ANGPT2: variants seen among roughly 807,000 people sequenced by gnomAD.
The protein encoded by ANGPT2 is angiopoietin 2, also known as angiopoietin-2.
ANGPT2 carries 28 observed loss-of-function variants against 62.9 expected under a neutral mutation model. The observed-to-expected ratio is 0.44, with a 90% CI of 0.33 to 0.61. The LOEUF (loss-of-function observed/expected upper bound fraction) is 0.61. ANGPT2 is among the 20% of genes least tolerant of loss of function. The pLI is 0.03. For missense variants in ANGPT2, 727 were observed against 594.9 expected, an observed-to-expected ratio of 1.22 and a Z score of -2.31; for synonymous variants, 284 against 207.8, an observed-to-expected ratio of 1.37 and a Z score of -3.15.
Position 6,506,013 on chromosome 8 carries a change from G to GTA in ANGPT2, c.1328-2754_1328-2753dup, listed in dbSNP as rs367554962. ...AAACATATACATATTCTTTATATATGTATATATATAAAAACATATATATAT... is the reference window on the plus strand; with the variant it reads ...AAACATATACATATTCTTTATATATGTATATATATATAAAAACATATATATAT... On this transcript the variant is annotated intron_variant, in intron 8 of 8. Transcript: ENST00000629816. 2.2e-4 allele frequency among the ~76,000 whole-genome samples: 30 copies of GTA among 134,644 alleles called. 2 individuals are homozygous for GTA. Among genetic ancestry groups the GTA allele is most frequent in the African/African-American group, 7.5e-4 (27 of 35,948 alleles). The allele number at this position is 134,644 out of a possible 152,430, so 88.3% of individuals were successfully genotyped here.
chr8:6,503,111 G>A lies in ANGPT2; in HGVS notation c.1478C>T (p.Ala493Val), dbSNP rs537224820. The A allele has an allele frequency of 1.2e-6, 2 of 1,614,178 alleles. No individual in the cohort carries two copies. Among genetic ancestry groups the A allele is most frequent in the Admixed American group, 1.7e-5 (1 of 60,028 alleles). The stretch of plus-strand genomic sequence containing the variant: ...GGTGGACTGGGATGTTTAGAAATCT[G>A]CTGGTCGGATCATCATGGTTGTGGC... ...LKATTMMIRP[A>V]DF Residue 493 changes from alanine to valine, a missense_variant, in exon 9 of 9, where the codon GCA becomes GTA. Physicochemically the swap from Ala to Val is moderately conservative, Grantham distance 64. Coordinates refer to ENST00000629816, the MANE Select transcript of ANGPT2 (RefSeq NM_001118887.2).
In ANGPT2 at chr8:6,519,939, A is replaced by G. The variant is rs753844136; in HGVS notation, c.852T>C (p.Ala284=). 2.5e-6 allele frequency: 4 copies of G among 1,614,144 alleles called. No individual in the cohort carries two copies. In the South Asian group the frequency reaches 4.4e-5, roughly 18 times the overall value. ...TGGTGTGTCCTGATTTGAATACTTC[A>G]GCACAGTCTCTGAAGCTGATTTGTT... ...KEEQISFRDC[A]EVFKSGHTTN... The change falls in exon 5 of 9, where the codon GCT becomes GCC. Residue 284 remains alanine (A), a synonymous_variant. Transcript: ENST00000629816.
chr8:6,531,222 T>C (rs1458790237), intron 2 of ANGPT2, among the ~76,000 whole-genome samples: 9 of 152,126 alleles, frequency 5.9e-5, no homozygotes, highest in Admixed American at 5.9e-4. Context: ...AGCATGTCTC[T>C]CGGTGAATTT....
intron 1 of ANGPT2, among the ~76,000 whole-genome samples, chr8:6,543,805 T>G (rs1822042745): frequency 6.6e-6 from 1 of 152,206 alleles, no homozygotes; most frequent in Non-Finnish European, 1.5e-5. Context: ...TTTCATATTT[T>G]CATATTTATT....
intron 1 of ANGPT2, among the ~76,000 whole-genome samples, chr8:6,542,599 T>A (rs58436743): frequency 0.2 from 28,761 of 146,586 alleles, 2,860 homozygotes; most frequent in Non-Finnish European, 0.23. Flanking sequence ...ATTCTTATCT[T>A]AAAAAAAAAA....
intron 3 of ANGPT2, among the ~76,000 whole-genome samples, chr8:6,526,823 T>C (rs114671644): frequency 0.012 from 1,773 of 152,322 alleles, 41 homozygotes; most frequent in African/African-American, 0.04. Flanking sequence ...CATAAAATTA[T>C]CCTCTTTTGT....
chr8:6,547,033 C>A (rs749552665), intron 1 of ANGPT2, among the ~76,000 whole-genome samples: 2 of 152,092 alleles, frequency 1.3e-5, no homozygotes, highest in African/African-American at 4.8e-5. Flanking sequence ...GTTCTCAGAG[C>A]AACATGCACG....
intron 1 of ANGPT2, among the ~76,000 whole-genome samples, chr8:6,535,865 T>C (rs2129572526): frequency 6.7e-6 from 1 of 150,068 alleles, no homozygotes; most frequent in East Asian, 2.0e-4. Flanking sequence ...CTGAGTAACA[T>C]GGTGAAACCC....
At position 6,519,914 on chromosome 8, in the gene ANGPT2, T is replaced by G; in HGVS notation, c.877A>C (p.Thr293Pro). The part of the protein sequence containing the change: ...CAEVFKSGHT[T>P]NGIYTLTFPN... Reference sequence around the variant, plus strand: ...AATGTTAACGTGTAGATGCCATTCGTGGTGTGTCCTGATTTGAATACTTCA... The same window carrying G: ...AATGTTAACGTGTAGATGCCATTCGGGGTGTGTCCTGATTTGAATACTTCA... Residue 293 changes from threonine (T) to proline (P), a missense_variant, in exon 5 of 9, where the codon ACG becomes CCG. Thr to Pro is a conservative substitution (Grantham distance 38). Transcript: ENST00000629816. 1 of 1,613,930 alleles carries G rather than the reference T, an allele frequency of 6.2e-7. No individual in the cohort carries two copies. Among genetic ancestry groups the G allele is most frequent in the South Asian group, 1.1e-5 (1 of 91,042 alleles).
chr8:6,527,812 G>C, intron 2 of ANGPT2, 136 bp from the exon 3 acceptor site: 1 of 859,828 alleles, frequency 1.2e-6, no homozygotes, highest in Non-Finnish European at 1.7e-6. Flanking sequence ...ATCTTATTTT[G>C]GCATATTTTT....
chr8:6,562,678 A>T lies in ANGPT2; in HGVS notation c.257T>A (p.Ile86Asn), dbSNP rs769616632. Residue 86 changes from isoleucine to asparagine, a missense_variant, in exon 1 of 9, where the codon ATC becomes AAC. Coordinates refer to ENST00000629816, the MANE Select transcript of ANGPT2 (RefSeq NM_001118887.2). ...TAGCCACTGAGTGTTGTTTTCCATG[A>T]TGTTCTCCAGCACTTGCAGCCTCTG... ...SVQRLQVLEN[I>N]MENNTQWLMK... 1.9e-6 allele frequency: 3 copies of T among 1,590,366 alleles called. No individual in the cohort carries two copies. The South Asian group carries it at 3.3e-5, about 18-fold the overall frequency.
chr8:6,553,170 C>T (rs1823963776), intron 1 of ANGPT2, among the ~76,000 whole-genome samples: 2 of 151,994 alleles, frequency 1.3e-5, no homozygotes, highest in Non-Finnish European at 1.5e-5. Context: ...GGATGTTGAT[C>T]GTAGGGGAGG....
At chr8:6,536,531 G>A (rs1004067753) in intron 1 of ANGPT2, among the ~76,000 whole-genome samples, 5 of 152,194 alleles carry the variant, frequency 3.3e-5, no homozygotes, top group African/African-American at 7.2e-5. Flanking sequence ...CACCAGAAAA[G>A]CCCAGAATTA....
Position 6,525,059 on chromosome 8 carries a change from G to C in ANGPT2, c.566+2496C>G, listed in dbSNP as rs999790072. 5.3e-5 allele frequency among the ~76,000 whole-genome samples: 8 copies of C among 152,298 alleles called. No individual in the cohort carries two copies. In the South Asian group the frequency reaches 1.7e-3, roughly 32 times the overall value. ...TTCATGGCCTCTCGGGCCCCTTTTAGTTCGAATGATCTGGTAAATCCACCT... is the reference window on the plus strand; with the variant it reads ...TTCATGGCCTCTCGGGCCCCTTTTACTTCGAATGATCTGGTAAATCCACCT... On this transcript the variant is annotated intron_variant, in intron 3 of 8. Coordinates refer to ENST00000629816, the MANE Select transcript of ANGPT2 (RefSeq NM_001118887.2).
intron 5 of ANGPT2, among the ~76,000 whole-genome samples, chr8:6,515,886 C>T (rs1195277605): frequency 1.3e-5 from 2 of 152,152 alleles, no homozygotes; most frequent in African/African-American, 2.4e-5. Context: ...GAAAAGAGAA[C>T]CAAGAGAGTG....
intron 1 of ANGPT2, among the ~76,000 whole-genome samples, chr8:6,556,294 T>A (rs3020231): frequency 2.0e-5 from 3 of 152,092 alleles, no homozygotes; most frequent in African/African-American, 7.3e-5. Flanking sequence ...TAATTATACC[T>A]GATATTTACT....
chr8:6,563,086 C>G lies in ANGPT2; in HGVS notation c.-152G>C, dbSNP rs1275404387. ...CTTCTCTTTCCTCTTTTTCCAGTAG[C>G]AAACCTGGTTTTTACTGCTGTGTTC... On this transcript the variant is annotated 5_prime_UTR_variant, in exon 1 of 9. Transcript: ENST00000629816. 1.4e-5 allele frequency: 11 copies of G among 814,634 alleles called. No homozygotes were observed. The highest frequency in any genetic ancestry group is 1.2e-4 in the South Asian group (6 of 51,422). 50.5% of individuals were successfully genotyped at this position (814,634 alleles called of 1,614,324 possible). A position where few individuals can be genotyped will look rare whatever the true frequency, so the allele number is the denominator to read the frequency against.
intron 3 of ANGPT2, among the ~76,000 whole-genome samples, chr8:6,522,235 G>A (rs111373699): frequency 0.014 from 2,107 of 152,120 alleles, 42 homozygotes; most frequent in African/African-American, 0.049. Context: ...GGCGCCTGTA[G>A]TCACAGCTAC....
intron 2 of ANGPT2, among the ~76,000 whole-genome samples, chr8:6,531,922 G>A (rs979662177): frequency 1.2e-4 from 19 of 152,222 alleles, no homozygotes; most frequent in African/African-American, 4.6e-4. Flanking sequence ...TCAAGAGTTA[G>A]ATTTAAGGCC....
Sources: allele counts gnomAD v4.1 joint callset (sites outside exome capture counted in the v4.1 genomes callset), GRCh38; gene constraint gnomAD v4.1.1; transcripts MANE v1.5; gene names NCBI Gene and HGNC (gene_info 2026-07-23, HGNC 2026-07-21).